The following VTI1A variants were observed in gnomAD, a reference collection of about 807,000 sequenced individuals.
VTI1A encodes vesicle transport through interaction with t-SNAREs 1A, also known as vesicle transport through interaction with t-SNAREs homolog 1A.
A neutral mutation model predicts 34.9 loss-of-function variants in VTI1A; 22 were observed. The ratio of observed to expected loss-of-function variants is 0.63; its 90% CI spans 0.45 to 0.90. The LOEUF (loss-of-function observed/expected upper bound fraction) is 0.90, where lower values mean the gene tolerates loss of function less well. Among genes scored for constraint, VTI1A ranks in the 40% least tolerant of loss-of-function variants. The pLI is 0.00. For synonymous variants in VTI1A, 87 were observed against 97.3 expected (o/e 0.89, Z 0.62); for missense variants, 268 against 275.6 (o/e 0.97, Z 0.20).
intron 7 of VTI1A, among the ~76,000 whole-genome samples, chr10:112,710,272 C>T (rs183147085): frequency 2.0e-5 from 3 of 149,054 alleles, no homozygotes; most frequent in East Asian, 4.0e-4. Context: ...CATTGGCATG[C>T]TCTCAGCTCG....
At chr10:112,761,766 TTCTC>T in intron 7 of VTI1A, among the ~76,000 whole-genome samples, 1 of 91,732 alleles carries the variant, frequency 1.1e-5, no homozygotes, top group East Asian at 2.8e-4. Flanking sequence ...CTCTCTTTCT[TTCTC>T]TGTGTGTGTG....
chr10:112,853,912 G>T, the VTI1A span, among the ~76,000 whole-genome samples: 2 of 152,142 alleles, frequency 1.3e-5, no homozygotes, highest in Non-Finnish European at 2.9e-5. Flanking sequence ...AAGAGCCTTG[G>T]CTTTGAGGGA....
At chr10:112,849,755 G>T in the VTI1A span, among the ~76,000 whole-genome samples, 1 of 152,326 alleles carries the variant, frequency 6.6e-6, no homozygotes, top group Non-Finnish European at 1.5e-5. Flanking sequence ...TTTCCCATCT[G>T]CTGCTCCAGT....
chr10:112,728,303 T>C lies in VTI1A; in HGVS notation c.560+59305T>C, dbSNP rs527604502. On this transcript the variant is annotated intron_variant, in intron 7 of 7. Transcript: ENST00000393077. ...ATCAGTAGTAGAGGGTGTCTGGGTA[T>C]GTGTTGCAAGAGTGACACCTGGTTT... 2.0e-5 allele frequency among the ~76,000 whole-genome samples: 3 copies of C among 152,318 alleles called. No individual in the cohort carries two copies. In the South Asian group the frequency reaches 6.2e-4, roughly 32 times the overall value.
Position 112,668,940 on chromosome 10 carries a change from C to T in VTI1A, c.502C>T (p.Arg168Trp), listed in dbSNP as rs745490821. Residue 168 changes from arginine to tryptophan, a missense_variant, in exon 7 of 8, where the codon CGG becomes TGG. Physicochemically the swap from Arg to Trp is moderately radical, Grantham distance 101 (BLOSUM62 -3). Transcript: ENST00000393077. ...EKIQRARERL[R>W]ETDANLGKSS... Reference sequence around the variant, plus strand: ...TTTGTTTTGTTTCTTCTTGTAGCTTCGGGAAACAGATGCTAATTTGGGAAA... The same window carrying T: ...TTTGTTTTGTTTCTTCTTGTAGCTTTGGGAAACAGATGCTAATTTGGGAAA... 1.3e-5 allele frequency: 21 copies of T among 1,611,996 alleles called. No individual in the cohort carries two copies. The highest frequency in any genetic ancestry group is 3.3e-5 in the South Asian group (3 of 90,986).
the VTI1A span, among the ~76,000 whole-genome samples, chr10:112,854,619 C>T: frequency 2.6e-5 from 4 of 152,282 alleles, no homozygotes; most frequent in South Asian, 8.3e-4. Context: ...TCAGTTCCCT[C>T]TTATGAAAGA....
chr10:112,855,131 C>G, the VTI1A span, among the ~76,000 whole-genome samples: 1 of 151,862 alleles, frequency 6.6e-6, no homozygotes, highest in African/African-American at 2.4e-5. Flanking sequence ...AAGCTCGACC[C>G]GGGATGGGAA....
intron 7 of VTI1A, among the ~76,000 whole-genome samples, chr10:112,779,556 C>G (rs1852052547): frequency 6.6e-6 from 1 of 152,166 alleles, no homozygotes; most frequent in Non-Finnish European, 1.5e-5. Flanking sequence ...GGCTTATGTT[C>G]AGCTATTTCA....
At chr10:112,766,233 G>A (rs570146617) in intron 7 of VTI1A, among the ~76,000 whole-genome samples, 1 of 152,280 alleles carries the variant, frequency 6.6e-6, no homozygotes, top group East Asian at 1.9e-4. Context: ...AGAAACACAA[G>A]TCAAAGTTTA....
chr10:112,842,698 G>A, the VTI1A span, among the ~76,000 whole-genome samples: 1 of 152,224 alleles, frequency 6.6e-6, no homozygotes, highest in Non-Finnish European at 1.5e-5. Context: ...ACTCCGTGTA[G>A]GTGGATCACA....
At chr10:112,669,020 A>G (rs1451665991) in intron 7 of VTI1A, 22 bp downstream of exon 7, 5 of 1,609,536 alleles carry the variant, frequency 3.1e-6, no homozygotes, top group Non-Finnish European at 4.2e-6. Context: ...GTAGGGACAT[A>G]TCTTTCTCTC....
At chr10:112,536,749 C>CT (rs1306361709) in intron 4 of VTI1A, among the ~76,000 whole-genome samples, 2 of 149,058 alleles carry the variant, frequency 1.3e-5, no homozygotes, top group Non-Finnish European at 3.0e-5. Context: ...TTCTCACCCC[C>CT]CCACCCTTCC....
At chr10:112,762,570 A>G (rs778712869) in intron 7 of VTI1A, among the ~76,000 whole-genome samples, 17 of 152,338 alleles carry the variant, frequency 1.1e-4, no homozygotes, top group Non-Finnish European at 2.4e-4. Flanking sequence ...GAGTTAGGAT[A>G]TTATAACTTC....
the VTI1A span, among the ~76,000 whole-genome samples, chr10:112,852,666 A>G: frequency 7.2e-5 from 11 of 152,226 alleles, no homozygotes; most frequent in Non-Finnish European, 1.5e-4. Flanking sequence ...TTCGCAGTGC[A>G]GTGTCCCCTC....
At chr10:112,746,671 A>G (rs535290924) in intron 7 of VTI1A, among the ~76,000 whole-genome samples, 59 of 152,254 alleles carry the variant, frequency 3.9e-4, no homozygotes, top group African/African-American at 1.3e-3. Context: ...GGGTCCTAAG[A>G]GCACCTCTCA....
intron 3 of VTI1A, among the ~76,000 whole-genome samples, chr10:112,470,962 G>A (rs141369300): frequency 6.6e-6 from 1 of 151,948 alleles, no homozygotes; most frequent in Non-Finnish European, 1.5e-5. Context: ...CCAAGATCTG[G>A]GTAAAGCCAA....
intron 7 of VTI1A, among the ~76,000 whole-genome samples, chr10:112,785,969 A>G (rs1254643299): frequency 6.6e-6 from 1 of 152,154 alleles, no homozygotes; most frequent in Non-Finnish European, 1.5e-5. Context: ...TTTCATTTAC[A>G]TATACATTTA....
chr10:112,521,358 G>T (rs1206786897), intron 3 of VTI1A, among the ~76,000 whole-genome samples: 1 of 151,926 alleles, frequency 6.6e-6, no homozygotes, highest in African/African-American at 2.4e-5. Flanking sequence ...GCCATTTTTG[G>T]TATGTATTAG....
chr10:112,569,130 G>T (rs1852019741), intron 5 of VTI1A, among the ~76,000 whole-genome samples: 1 of 151,794 alleles, frequency 6.6e-6, no homozygotes, highest in Non-Finnish European at 1.5e-5. Flanking sequence ...CCTGCAGCGT[G>T]GGCACAGAGC....
Sources: allele counts gnomAD v4.1 joint callset (sites outside exome capture counted in the v4.1 genomes callset), GRCh38; gene constraint gnomAD v4.1.1; transcripts MANE v1.5; gene names NCBI Gene and HGNC (gene_info 2026-07-23, HGNC 2026-07-21).